The following SFMBT2 variants were observed in gnomAD, a reference collection of about 807,000 sequenced individuals.
SFMBT2 encodes the protein scm-like with four MBT domains protein 2.
In SFMBT2, 38 loss-of-function variants were observed where a neutral mutation model predicts 110.1. The observed-to-expected ratio is 0.35, with a 90% CI of 0.27 to 0.45. The LOEUF (loss-of-function observed/expected upper bound fraction) is 0.45, where lower values mean the gene tolerates loss of function less well. Among genes scored for constraint, SFMBT2 ranks in the 20% least tolerant of loss-of-function variants. The probability of loss-of-function intolerance (pLI) is 1.00; values close to 1 mark genes in which losing one functional copy is unlikely to be tolerated. For missense variants in SFMBT2, 1,011 were observed against 1,094.9 expected, an observed-to-expected ratio of 0.92 and a Z score of 1.08; for synonymous variants, 425 against 425.4, an observed-to-expected ratio of 1.00 and a Z score of 0.01.
rs553605390 is a variant in SFMBT2, at chr10:7,377,247, T to G, written c.100+4552A>C. The stretch of plus-strand genomic sequence containing the variant: ...TTTCCTTTCTTCGATCCCATAATTT[T>G]CTCAAGGAAAAACTTTAGTCACTTG... On this transcript the variant is annotated intron_variant, in intron 2 of 20. Transcript: ENST00000397167. Among the ~76,000 whole-genome samples the G allele has an allele frequency of 5.9e-4, 89 of 151,502 alleles. 1 individual carries two copies. Among genetic ancestry groups the G allele is most frequent in the Middle Eastern group, 7.0e-3 (2 of 286 alleles).
chr10:7,236,514 G>C (rs1368676359), intron 9 of SFMBT2, among the ~76,000 whole-genome samples: 1 of 152,178 alleles, frequency 6.6e-6, no homozygotes. Context: ...TGACAGTGGT[G>C]GCATTATAAA....
At chr10:7,205,418 A>G (rs1353926340) in intron 12 of SFMBT2, 1 of 985,196 alleles carries the variant, frequency 1.0e-6, no homozygotes, top group Non-Finnish European at 1.2e-6. Context: ...GAATGTCAGT[A>G]TATTATTGGA....
Position 7,367,665 on chromosome 10 carries a change from C to G in SFMBT2, c.420G>C (p.Val140=). 1.9e-6 allele frequency: 3 copies of G among 1,611,312 alleles called. No homozygotes were observed. The highest frequency in any genetic ancestry group is 2.5e-6 in the Non-Finnish European group (3 of 1,178,172). Reference sequence around the variant, plus strand: ...GGGGCTCACCGTCCGGCGGCATCAACACCTTGTTGTTCTGTGTGCACCACC... The same window carrying G: ...GGGGCTCACCGTCCGGCGGCATCAAGACCTTGTTGTTCTGTGTGCACCACC... ...PVGWCTQNNK[V]LMPPDAIKEK... The change falls in exon 4 of 21, where the codon GTG becomes GTC. Residue 140 remains valine (V), a synonymous_variant. Coordinates refer to ENST00000397167, the MANE Select transcript of SFMBT2 (RefSeq NM_001387889.1). This position sits in a 1 kb window ranked among gnomAD's most constrained non-coding sequence, Gnocchi z 6.2.
rs1000993765 is a variant in SFMBT2 at position 7,301,607 on chromosome 10, G to A, written c.437-15653C>T. Among the ~76,000 whole-genome samples the A allele has an allele frequency of 2.0e-5, 3 of 152,198 alleles. No homozygotes were observed. Among genetic ancestry groups the A allele is most frequent in the Non-Finnish European group, 4.4e-5 (3 of 68,030 alleles). On this transcript the variant is annotated intron_variant, in intron 4 of 20. Transcript: ENST00000397167. This position sits in a 1 kb window ranked among gnomAD's most constrained non-coding sequence, Gnocchi z 4.2. Reference sequence around the variant, plus strand: ...CGGAACACCAGCCAGGGGCATCTCCGCTGCCTCCACAGGACAAACCAGAGA... The same window carrying A: ...CGGAACACCAGCCAGGGGCATCTCCACTGCCTCCACAGGACAAACCAGAGA...
Position 7,226,072 on chromosome 10 carries a change from G to A in SFMBT2, c.1203+1783C>T, listed in dbSNP as rs118181147. On this transcript the variant is annotated intron_variant, in intron 10 of 20. Transcript: ENST00000397167. ...CGGTTCTTCAAGATACAGAGAAACC[G>A]CTCTTGTGCAAAGGCGACATCATTC... 9.8e-4 allele frequency among the ~76,000 whole-genome samples: 150 copies of A among 152,294 alleles called. 1 individual carries two copies. Among genetic ancestry groups the A allele is most frequent in the South Asian group, 2.9e-3 (14 of 4,826 alleles).
chr10:7,293,250 TACC>T lies in SFMBT2; in HGVS notation c.437-7299_437-7297del, dbSNP rs1842314417. Among the ~76,000 whole-genome samples, 2 of 152,018 alleles carry T rather than the reference TACC, an allele frequency of 1.3e-5. No individual in the cohort carries two copies. The highest frequency in any genetic ancestry group is 2.9e-5 in the Non-Finnish European group (2 of 68,004). On this transcript the variant is annotated intron_variant, in intron 4 of 20. Transcript: ENST00000397167. This position sits in a 1 kb window ranked among gnomAD's most constrained non-coding sequence, Gnocchi z 4.6. ...AGTAGCTGGGACTACAGGCACGCCC[TACC>T]ACATCCAGCTAATTTTTGTATTTTT...
At chr10:7,188,058 A>G (rs1263714117) in intron 16 of SFMBT2, among the ~76,000 whole-genome samples, 1 of 152,220 alleles carries the variant, frequency 6.6e-6, no homozygotes, top group Non-Finnish European at 1.5e-5. Flanking sequence ...GAGGTCAAGA[A>G]ACCTAAAGAA....
At chr10:7,271,977 G>C (rs1434784410) in intron 7 of SFMBT2, among the ~76,000 whole-genome samples, 1 of 152,270 alleles carries the variant, frequency 6.6e-6, no homozygotes, top group East Asian at 1.9e-4. Context: ...GATGAGATTT[G>C]GGTGGGGACA....
rs550635827 is a variant in SFMBT2 at position 7,161,593 on chromosome 10, C to T, written c.*2177G>A. The T allele has an allele frequency of 1.3e-5, 2 of 152,344 alleles. No individual in the cohort carries two copies. The highest frequency in any genetic ancestry group is 1.3e-4 in the Admixed American group (2 of 15,308). 9.4% of individuals were successfully genotyped at this position (152,344 alleles called of 1,614,324 possible). On this transcript the variant is annotated 3_prime_UTR_variant, in exon 21 of 21. Transcript: ENST00000397167. Reference sequence around the variant, plus strand: ...AGAGATGCCCGGGGCAAGCCAGCCACAGATCCCAGAGACATTTCTGTCGGG... The same window carrying T: ...AGAGATGCCCGGGGCAAGCCAGCCATAGATCCCAGAGACATTTCTGTCGGG...
chr10:7,225,132 T>C (rs1588357281), intron 10 of SFMBT2, among the ~76,000 whole-genome samples: 1 of 152,158 alleles, frequency 6.6e-6, no homozygotes, highest in Admixed American at 6.5e-5. Flanking sequence ...CATCGGCCGC[T>C]TGAAAAACCT....
intron 1 of SFMBT2, among the ~76,000 whole-genome samples, chr10:7,404,933 A>G (rs1194513283): frequency 6.6e-6 from 1 of 152,230 alleles, no homozygotes; most frequent in South Asian, 2.1e-4. Context: ...TTCTTATACT[A>G]AAAGTTCTAA....
At chr10:7,204,542 T>A (rs986347269) in intron 12 of SFMBT2, 3 of 939,074 alleles carry the variant, frequency 3.2e-6, no homozygotes, top group African/African-American at 1.8e-5. Flanking sequence ...AGAAGATTTT[T>A]AAATGGTACC....
chr10:7,349,158 C>T (rs1844218250), intron 4 of SFMBT2, among the ~76,000 whole-genome samples: 1 of 152,152 alleles, frequency 6.6e-6, no homozygotes, highest in Admixed American at 6.5e-5. Flanking sequence ...CTTCCATAAT[C>T]CCAGAGATCA....
At position 7,162,731 on chromosome 10, in the gene SFMBT2, AAC is replaced by A. The variant is rs1837581195; in HGVS notation, c.*1037_*1038del. The A allele has an allele frequency of 1.3e-5, 2 of 152,208 alleles. No homozygotes were observed. The allele number at this position is 152,208 out of a possible 1,614,324, so 9.4% of individuals were successfully genotyped here. On this transcript the variant is annotated 3_prime_UTR_variant, in exon 21 of 21. Coordinates refer to ENST00000397167, the MANE Select transcript of SFMBT2 (RefSeq NM_001387889.1). Reference sequence around the variant, plus strand: ...CCTGATCCGGCTACGATTAAACAACAACACTGGAGATAGTTGAGGGTCTAGAA... The same window carrying A: ...CCTGATCCGGCTACGATTAAACAACAACTGGAGATAGTTGAGGGTCTAGAA...
rs113666945 is a variant in SFMBT2, at chr10:7,388,326, GGATGAT to G, written c.-51-6383_-51-6378del. On this transcript the variant is annotated intron_variant, in intron 1 of 20. Transcript: ENST00000397167. ...CAGAAAAGATCAGGCAAACAAAGAA[GGATGAT>G]GATGATGATGATGATGATGATGATG... 5.9e-3 allele frequency among the ~76,000 whole-genome samples: 868 copies of G among 146,158 alleles called. 4 individuals are homozygous for G. The highest frequency in any genetic ancestry group is 0.018 in the African/African-American group (688 of 38,702).
chr10:7,227,247 A>C (rs117646211), intron 10 of SFMBT2, among the ~76,000 whole-genome samples: 2 of 152,066 alleles, frequency 1.3e-5, no homozygotes, highest in African/African-American at 4.8e-5. Context: ...AAGAGCAAAG[A>C]CTCTCCTATC....
intron 9 of SFMBT2, among the ~76,000 whole-genome samples, chr10:7,236,905 A>G (rs1470146315): frequency 1.3e-5 from 2 of 152,232 alleles, no homozygotes; most frequent in Admixed American, 6.5e-5. Context: ...TATATAAACT[A>G]CTTCTACGAT....
intron 11 of SFMBT2, chr10:7,215,782 T>C (rs1839516255): frequency 2.1e-6 from 2 of 975,534 alleles, no homozygotes; most frequent in Non-Finnish European, 2.4e-6. Context: ...CCCTGCTGTG[T>C]TTGGCTTGAG....
intron 3 of SFMBT2, 104 bp downstream of exon 3, chr10:7,370,177 C>T (rs956965240): frequency 2.5e-4 from 263 of 1,039,760 alleles, no homozygotes; most frequent in Non-Finnish European, 3.4e-4. Flanking sequence ...ACGAATTTCC[C>T]TCTTTCCTCT....
Sources: gnomAD v4.1 joint callset for allele counts (sites outside exome capture counted in the v4.1 genomes callset) on GRCh38, gnomAD v4.1.1 for gene constraint, Gnocchi (gnomAD v3.1) non-coding constraint, MANE v1.5 for transcripts, NCBI Gene and HGNC (gene_info 2026-07-23, HGNC 2026-07-21) for gene names.